Variants in KCND2 observed in about 807,000 individuals in gnomAD.
KCND2 encodes potassium voltage-gated channel subfamily D member 2.
KCND2 carries 16 observed loss-of-function variants against 54.4 expected under a neutral mutation model. That is an observed-to-expected ratio of 0.29 (90% CI 0.20 to 0.45). KCND2 has a LOEUF of 0.45. Among genes scored for constraint, KCND2 ranks in the 20% least tolerant of loss-of-function variants. The pLI, the probability that KCND2 is intolerant of heterozygous loss-of-function variation, is 1.00. For synonymous variants in KCND2, 317 were observed against 310.7 expected (o/e 1.02, Z -0.21); for missense variants, 486 against 824.2 (o/e 0.59, Z 5.02).
chr7:120,289,444 C>G (rs541578372), intron 1 of KCND2, among the ~76,000 whole-genome samples: 1 of 151,966 alleles, frequency 6.6e-6, no homozygotes, highest in Non-Finnish European at 1.5e-5. Flanking sequence ...TAAAAAGGAA[C>G]CAAGAACAAA....
At chr7:120,727,504 A>G (rs944640238) in intron 1 of KCND2, among the ~76,000 whole-genome samples, 9 of 152,226 alleles carry the variant, frequency 5.9e-5, no homozygotes, top group Admixed American at 5.9e-4. Flanking sequence ...AGAACTTTGC[A>G]TGAAAATTTT....
chr7:120,697,978 A>T (rs535593167), intron 1 of KCND2, among the ~76,000 whole-genome samples: 50 of 150,572 alleles, frequency 3.3e-4, no homozygotes, highest in Non-Finnish European at 6.3e-4. Flanking sequence ...ATTAACTGTA[A>T]CCCTCATATT....
In KCND2 at chr7:120,583,783, G is replaced by GT. The variant is rs536295796; in HGVS notation, c.1116-149119dup. Among the ~76,000 whole-genome samples, 515 of 55,480 alleles carry GT rather than the reference G, an allele frequency of 9.3e-3. 1 individual carries two copies. Among genetic ancestry groups the GT allele is most frequent in the African/African-American group, 0.027 (474 of 17,328 alleles). The allele number at this position is 55,480 out of a possible 152,430, so 36.4% of individuals were successfully genotyped here. ...GGGTTAGGAATTCAGCATAGGAATTGTGGGGGGGGGGACAAAATTCAGCAC... is the reference window on the plus strand; with the variant it reads ...GGGTTAGGAATTCAGCATAGGAATTGTTGGGGGGGGGGACAAAATTCAGCAC... On this transcript the variant is annotated intron_variant, in intron 1 of 5. Transcript: ENST00000331113.
chr7:120,431,141 A>G (rs754887333), intron 1 of KCND2, among the ~76,000 whole-genome samples: 9 of 152,210 alleles, frequency 5.9e-5, no homozygotes, highest in Non-Finnish European at 8.8e-5. Flanking sequence ...ATGATTCATC[A>G]ATGTCAAAGC....
chr7:120,531,496 A>C (rs1032711659), intron 1 of KCND2, among the ~76,000 whole-genome samples: 1 of 151,366 alleles, frequency 6.6e-6, no homozygotes, highest in Non-Finnish European at 1.5e-5. Flanking sequence ...TTTCTGTAAC[A>C]CTCCCCATCT....
At chr7:120,709,706 T>A (rs1792515279) in intron 1 of KCND2, among the ~76,000 whole-genome samples, 1 of 152,142 alleles carries the variant, frequency 6.6e-6, no homozygotes, top group South Asian at 2.1e-4. Flanking sequence ...TGAAGCTAAT[T>A]CTAGTTCAAG....
intron 1 of KCND2, among the ~76,000 whole-genome samples, chr7:120,580,789 T>C (rs1248804490): frequency 6.6e-6 from 1 of 152,210 alleles, no homozygotes; most frequent in East Asian, 1.9e-4. Context: ...AAAACTTTCA[T>C]AACTTGTTTT....
At chr7:120,575,750 G>T (rs1301390549) in intron 1 of KCND2, among the ~76,000 whole-genome samples, 1 of 152,108 alleles carries the variant, frequency 6.6e-6, no homozygotes, top group Admixed American at 6.5e-5. Flanking sequence ...TTCTTATTTA[G>T]CCCTGAATGT....
chr7:120,422,670 G>A (rs11973307), intron 1 of KCND2, among the ~76,000 whole-genome samples: 9,983 of 152,014 alleles, frequency 0.066, 1,078 homozygotes, highest in East Asian at 0.53. Flanking sequence ...ACCTTCTTCC[G>A]TCTGCCCTCC....
At chr7:120,470,368 A>G (rs1802436605) in intron 1 of KCND2, among the ~76,000 whole-genome samples, 1 of 152,088 alleles carries the variant, frequency 6.6e-6, no homozygotes, top group Admixed American at 6.6e-5. Context: ...TGTAGACTCT[A>G]CCTTTCATTT....
chr7:120,651,603 G>C (rs186282723), intron 1 of KCND2, among the ~76,000 whole-genome samples: 263 of 152,172 alleles, frequency 1.7e-3, no homozygotes, highest in Non-Finnish European at 2.5e-3. Context: ...GCTCACGCTC[G>C]ATGGGCTGCA....
At chr7:120,726,029 G>T (rs1474581156) in intron 1 of KCND2, among the ~76,000 whole-genome samples, 3 of 152,100 alleles carry the variant, frequency 2.0e-5, no homozygotes, top group Non-Finnish European at 4.4e-5. Context: ...AGTGGAAACA[G>T]TTTTTTTAAA....
intron 1 of KCND2, among the ~76,000 whole-genome samples, chr7:120,324,439 C>G (rs1425287579): frequency 6.9e-6 from 1 of 144,842 alleles, no homozygotes; most frequent in Admixed American, 6.9e-5. Flanking sequence ...TTAGGTCTAA[C>G]GTTTAAGTCT....
chr7:120,343,916 A>G (rs1162628790), intron 1 of KCND2, among the ~76,000 whole-genome samples: 2 of 129,340 alleles, frequency 1.5e-5, no homozygotes, highest in African/African-American at 2.5e-5. Flanking sequence ...TAGCACCACA[A>G]CTATCATTCT....
chr7:120,745,226 T>A (rs1792990856), intron 4 of KCND2, among the ~76,000 whole-genome samples: 1 of 152,200 alleles, frequency 6.6e-6, no homozygotes, highest in African/African-American at 2.4e-5. Flanking sequence ...TATTTTTCTG[T>A]ACTGGGCATT....
chr7:120,330,127 A>G (rs930142728), intron 1 of KCND2, among the ~76,000 whole-genome samples: 1 of 152,116 alleles, frequency 6.6e-6, no homozygotes, highest in Non-Finnish European at 1.5e-5. Flanking sequence ...TCAGCTCCCC[A>G]TTCACTAGAT....
At chr7:120,624,296 T>C (rs1793138390) in intron 1 of KCND2, among the ~76,000 whole-genome samples, 1 of 152,202 alleles carries the variant, frequency 6.6e-6, no homozygotes, top group Admixed American at 6.5e-5. Context: ...ATAAATTTGC[T>C]CATGGATTTT....
At chr7:120,653,962 A>G (rs1020247554) in intron 1 of KCND2, among the ~76,000 whole-genome samples, 5 of 152,230 alleles carry the variant, frequency 3.3e-5, no homozygotes, top group African/African-American at 9.6e-5. Context: ...AGTTGAAGGC[A>G]TGTTTTTGAG....
intron 1 of KCND2, among the ~76,000 whole-genome samples, chr7:120,595,497 A>ATATG (rs1212184590): frequency 3.1e-4 from 41 of 134,374 alleles, no homozygotes; most frequent in South Asian, 1.1e-3. Flanking sequence ...ATATATATAT[A>ATATG]TGTGTGTGTG....
Sources: allele counts gnomAD v4.1 joint callset (sites outside exome capture counted in the v4.1 genomes callset), GRCh38; gene constraint gnomAD v4.1.1; transcripts MANE v1.5; gene names NCBI Gene and HGNC (gene_info 2026-07-23, HGNC 2026-07-21).